Variants in TENM2 observed in about 807,000 individuals in gnomAD.
The protein encoded by TENM2 is teneurin transmembrane protein 2, also known as teneurin-2.
In TENM2, 52 loss-of-function variants were observed where a neutral mutation model predicts 245.2. The observed-to-expected ratio is 0.21, with a 90% confidence interval of 0.17 to 0.27. The LOEUF (loss-of-function observed/expected upper bound fraction) is 0.27, where lower values mean the gene tolerates loss of function less well. TENM2 is among the 10% of genes least tolerant of loss of function. The probability of loss-of-function intolerance (pLI) is 1.00; values close to 1 mark genes in which losing one functional copy is unlikely to be tolerated. For synonymous variants in TENM2, 1,363 were observed against 1,438.9 expected (o/e 0.95, Z 1.19); for missense variants, 3,046 against 3,666.8 (o/e 0.83, Z 4.37).
intron 2 of TENM2, among the ~76,000 whole-genome samples, chr5:167,755,466 A>AT (rs1381705333): frequency 6.6e-6 from 1 of 151,392 alleles, no homozygotes; most frequent in Non-Finnish European, 1.5e-5. Flanking sequence ...CAGAAAAAAA[A>AT]AATATGTGAA....
At chr5:167,210,256 G>C in the TENM2 span, among the ~76,000 whole-genome samples, 1 of 152,122 alleles carries the variant, frequency 6.6e-6, no homozygotes, top group African/African-American at 2.4e-5. Context: ...CCACACCAGA[G>C]CACATTTCTT....
At chr5:168,050,915 C>G (rs1789028153) in intron 6 of TENM2, among the ~76,000 whole-genome samples, 1 of 152,196 alleles carries the variant, frequency 6.6e-6, no homozygotes, top group Non-Finnish European at 1.5e-5. Flanking sequence ...AGAGGGAACA[C>G]ACAGTCTGCC....
the TENM2 span, among the ~76,000 whole-genome samples, chr5:167,121,243 A>C: frequency 6.6e-6 from 1 of 152,124 alleles, no homozygotes; most frequent in Non-Finnish European, 1.5e-5. Context: ...AATAAGTAAG[A>C]TCATATCCAA....
At chr5:167,010,745 C>T in the TENM2 span, among the ~76,000 whole-genome samples, 2 of 152,144 alleles carry the variant, frequency 1.3e-5, no homozygotes, top group East Asian at 3.9e-4. Context: ...AATTTTAATT[C>T]TATTTTTTGT....
In TENM2 at chr5:168,207,559, T is replaced by A. The variant is rs563608570; in HGVS notation, c.3824+2938T>A. 2.0e-5 allele frequency among the ~76,000 whole-genome samples: 3 copies of A among 152,198 alleles called. No homozygotes were observed. In the East Asian group the frequency reaches 5.8e-4, roughly 29 times the overall value. ...AGTTAAGCTTTTATAAGAACACTGG[T>A]TTTATTCTTCTTTTCTTCCCACTAC... is the stretch of plus-strand genomic sequence containing the variant. On this transcript the variant is annotated intron_variant, in intron 19 of 28. Coordinates refer to ENST00000518659, the Ensembl canonical transcript of TENM2.
At chr5:167,404,158 T>C (rs754314160) in intron 2 of TENM2, among the ~76,000 whole-genome samples, 3 of 151,966 alleles carry the variant, frequency 2.0e-5, no homozygotes, top group Non-Finnish European at 2.9e-5. Flanking sequence ...TCTCCTCTTG[T>C]CTCTAGGCCA....
chr5:167,288,571 A>T (rs1034071786), intron 1 of TENM2, among the ~76,000 whole-genome samples: 45 of 151,796 alleles, frequency 3.0e-4, no homozygotes, highest in East Asian at 1.2e-3. Context: ...AAAAAAAAAA[A>T]AAAGAAAAAG....
chr5:167,927,882 G>T (rs1158743145), intron 3 of TENM2, among the ~76,000 whole-genome samples: 2 of 152,134 alleles, frequency 1.3e-5, no homozygotes, highest in Admixed American at 1.3e-4. Context: ...GACCTAGCCT[G>T]GTGGAGCCTG....
the TENM2 span, among the ~76,000 whole-genome samples, chr5:167,144,559 TG>T: frequency 1.3e-3 from 202 of 152,350 alleles, 2 homozygotes; most frequent in African/African-American, 4.6e-3. Context: ...GGTCACGTTT[TG>T]CCCAACACTT....
intron 2 of TENM2, among the ~76,000 whole-genome samples, chr5:167,601,501 T>A (rs964357256): frequency 5.9e-5 from 9 of 152,184 alleles, no homozygotes; most frequent in African/African-American, 1.7e-4. Context: ...CAGGACAGAG[T>A]ATACACAAGT....
chr5:167,448,272 T>C (rs947888896), intron 2 of TENM2, among the ~76,000 whole-genome samples: 5 of 152,032 alleles, frequency 3.3e-5, no homozygotes, highest in Non-Finnish European at 7.4e-5. Flanking sequence ...AGGGCAATTG[T>C]GCAAATGGTG....
intron 2 of TENM2, among the ~76,000 whole-genome samples, chr5:167,390,994 C>T (rs867937897): frequency 1.7e-4 from 26 of 151,944 alleles, no homozygotes; most frequent in Non-Finnish European, 3.7e-4. Flanking sequence ...TATTTTTTTT[C>T]CAGAGCATAC....
chr5:167,093,795 A>C, the TENM2 span, among the ~76,000 whole-genome samples: 2 of 152,182 alleles, frequency 1.3e-5, no homozygotes, highest in Admixed American at 1.3e-4. Context: ...AAGGGAGTTA[A>C]TTACTATATT....
intron 2 of TENM2, among the ~76,000 whole-genome samples, chr5:167,493,994 A>G (rs1054165602): frequency 1.3e-5 from 2 of 152,120 alleles, no homozygotes; most frequent in Non-Finnish European, 2.9e-5. Context: ...AGAGGGAGGA[A>G]AGACAATTTC....
intron 2 of TENM2, among the ~76,000 whole-genome samples, chr5:167,437,068 C>T (rs2127453224): frequency 6.6e-6 from 1 of 152,288 alleles, no homozygotes; most frequent in South Asian, 2.1e-4. Context: ...GGGCCACCAT[C>T]CTCCAGACCC....
the TENM2 span, among the ~76,000 whole-genome samples, chr5:167,219,171 A>G: frequency 6.6e-6 from 1 of 152,140 alleles, no homozygotes; most frequent in African/African-American, 2.4e-5. Context: ...ATAGAGGCTC[A>G]TGCCTGTAAT....
intron 2 of TENM2, among the ~76,000 whole-genome samples, chr5:167,689,360 G>T (rs1757276698): frequency 6.6e-6 from 1 of 152,148 alleles, no homozygotes; most frequent in Non-Finnish European, 1.5e-5. Context: ...GCATGAATTA[G>T]TTTCTTCACT....
intron 13 of TENM2, among the ~76,000 whole-genome samples, chr5:168,182,614 C>T (rs931658809): frequency 5.9e-5 from 9 of 152,148 alleles, no homozygotes; most frequent in Admixed American, 5.2e-4. Context: ...GCCAAAAGTC[C>T]AGTACCACCC....
chr5:167,708,128 G>C (rs1437306680), intron 2 of TENM2, among the ~76,000 whole-genome samples: 2 of 152,120 alleles, frequency 1.3e-5, no homozygotes, highest in African/African-American at 2.4e-5. Context: ...GGTAGAAGCT[G>C]CCTAAGATGT....
Sources: allele counts gnomAD v4.1 joint callset (sites outside exome capture counted in the v4.1 genomes callset), GRCh38; gene constraint gnomAD v4.1.1; transcripts MANE v1.5; gene names NCBI Gene and HGNC (gene_info 2026-07-23, HGNC 2026-07-21).